The following REPS2 variants were observed in gnomAD, a reference collection of about 807,000 sequenced individuals.
REPS2 encodes the protein ralBP1-associated Eps domain-containing protein 2.
Under a neutral mutation model 53.6 loss-of-function variants are expected in REPS2, and 23 were observed. That is an observed-to-expected ratio of 0.43 (90% CI 0.31 to 0.61). The LOEUF is 0.61. Ranked by LOEUF, REPS2 falls within the 20% of genes least tolerant of loss-of-function variation. REPS2 has a pLI of 0.11. For synonymous variants in REPS2, 238 were observed against 218.6 expected (o/e 1.09, Z -0.78); for missense variants, 446 against 534.9 (o/e 0.83, Z 1.64).
chrX:17,064,102 C>CT (rs11310120), intron 9 of REPS2, among the ~76,000 whole-genome samples: 2,030 of 94,969 alleles, frequency 0.021, 56 homozygotes, highest in African/African-American at 0.074. Flanking sequence ...ACTACCTAGT[C>CT]TTTTTTTTTT....
intron 3 of REPS2, among the ~76,000 whole-genome samples, chrX:17,024,417 G>A (rs903743845): frequency 5.2e-5 from 4 of 77,475 alleles, no homozygotes; most frequent in Non-Finnish European, 7.1e-5. Flanking sequence ...AGATAAGGTT[G>A]CTTACTTTGC....
chrX:16,958,539 A>T (rs1028012418), intron 1 of REPS2, among the ~76,000 whole-genome samples: 3 of 111,872 alleles, frequency 2.7e-5, no homozygotes, highest in African/African-American at 9.8e-5. Context: ...TGGTGGGGCA[A>T]AGGGAGGGGA....
intron 6 of REPS2, among the ~76,000 whole-genome samples, chrX:17,050,148 T>C (rs1199473578): frequency 3.0e-5 from 1 of 32,988 alleles, no homozygotes; most frequent in Non-Finnish European, 4.7e-5. Flanking sequence ...CTTCCTTTCT[T>C]TCTTTCTTTC....
chrX:16,983,821 A>G (rs2061054302), intron 1 of REPS2, among the ~76,000 whole-genome samples: 1 of 112,522 alleles, frequency 8.9e-6, no homozygotes, highest in Admixed American at 9.4e-5. Flanking sequence ...TTTGTTTTTG[A>G]TGAAGACATT....
chrX:17,089,352 T>A (rs1285721305), intron 13 of REPS2, among the ~76,000 whole-genome samples: 1 of 111,522 alleles, frequency 9.0e-6, no homozygotes. Context: ...CATTATTAAT[T>A]ATACTTTTTT....
intron 5 of REPS2, among the ~76,000 whole-genome samples, chrX:17,037,531 G>A (rs2061781335): frequency 8.9e-6 from 1 of 112,292 alleles, no homozygotes; most frequent in Admixed American, 9.4e-5. Context: ...GGCCAGGGTG[G>A]TCTTGAACTC....
chrX:17,103,293 G>C (rs987387065), intron 13 of REPS2, among the ~76,000 whole-genome samples: 4 of 111,782 alleles, frequency 3.6e-5, no homozygotes, highest in Non-Finnish European at 5.6e-5. Flanking sequence ...AGCTCTCTTA[G>C]TTTCTGTAGC....
chrX:17,143,496 T>A (rs932951829), intron 17 of REPS2, among the ~76,000 whole-genome samples: 7 of 109,962 alleles, frequency 6.4e-5, no homozygotes, highest in Non-Finnish European at 1.3e-4. Context: ...GGTTTTTTAT[T>A]TTCATTTTTG....
At chrX:17,112,717 G>C (rs770803225) in intron 14 of REPS2, among the ~76,000 whole-genome samples, 1 of 110,970 alleles carries the variant, frequency 9.0e-6, no homozygotes, top group African/African-American at 3.3e-5. Context: ...GCAGTACTCG[G>C]CGGGAAAGTT....
intron 17 of REPS2, among the ~76,000 whole-genome samples, chrX:17,143,511 C>T (rs1167822981): frequency 2.8e-5 from 3 of 109,080 alleles, no homozygotes; most frequent in Non-Finnish European, 5.7e-5. Flanking sequence ...TTTTTGTTGT[C>T]GTTGATTATT....
At chrX:17,165,220 G>A in the REPS2 span, among the ~76,000 whole-genome samples, 5 of 112,151 alleles carry the variant, frequency 4.5e-5, no homozygotes, top group African/African-American at 1.6e-4. Context: ...GAATCAGTCA[G>A]ACTGTGAGAG....
chrX:17,014,947 G>T (rs1228568271), intron 2 of REPS2, among the ~76,000 whole-genome samples: 1 of 113,254 alleles, frequency 8.8e-6, no homozygotes, highest in African/African-American at 3.2e-5. Context: ...TAGCCTTGTG[G>T]CTGGGAATGT....
intron 9 of REPS2, among the ~76,000 whole-genome samples, chrX:17,066,639 C>T (rs1302721983): frequency 8.9e-6 from 1 of 111,927 alleles, no homozygotes; most frequent in Non-Finnish European, 1.9e-5. Flanking sequence ...TATGTGAGGC[C>T]GAGGTGGGCA....
intron 14 of REPS2, among the ~76,000 whole-genome samples, chrX:17,126,133 A>G (rs1370893926): frequency 1.8e-5 from 2 of 112,436 alleles, no homozygotes; most frequent in Non-Finnish European, 3.8e-5. Context: ...TTTTTGTCCA[A>G]GAGGTTTTAA....
chrX:17,052,506 C>A, intron 7 of REPS2, 61 bp downstream of exon 7: 1 of 893,987 alleles, frequency 1.1e-6, no homozygotes, highest in East Asian at 3.3e-5. Flanking sequence ...CCTTTAGTTC[C>A]TACCTTTGCA....
At chrX:16,949,660 A>G (rs2060483360) in intron 1 of REPS2, among the ~76,000 whole-genome samples, 1 of 112,257 alleles carries the variant, frequency 8.9e-6, no homozygotes, top group Non-Finnish European at 1.9e-5. Context: ...CACCCGCCTC[A>G]GCCTCCCAAA....
chrX:17,018,697 C>T (rs1304834037), intron 2 of REPS2, among the ~76,000 whole-genome samples: 1 of 108,498 alleles, frequency 9.2e-6, no homozygotes, highest in African/African-American at 3.4e-5. Flanking sequence ...AACATGAGTT[C>T]TCTGCCCAGC....
At chrX:17,177,556 G>A in the REPS2 span, among the ~76,000 whole-genome samples, 1 of 111,623 alleles carries the variant, frequency 9.0e-6, no homozygotes, top group Non-Finnish European at 1.9e-5. Context: ...AGGCAAGCTG[G>A]CCCAGATGCC....
intron 1 of REPS2, among the ~76,000 whole-genome samples, chrX:17,004,413 CTTTTT>C (rs5901599): frequency 1.3e-5 from 1 of 79,872 alleles, no homozygotes. Context: ...CAGAACTAAC[CTTTTT>C]TTTTTTTTTT....
Sources: allele counts gnomAD v4.1 joint callset (sites outside exome capture counted in the v4.1 genomes callset), GRCh38; gene constraint gnomAD v4.1.1; transcripts MANE v1.5; gene names NCBI Gene and HGNC (gene_info 2026-07-23, HGNC 2026-07-21).